Variants in CLVS1 observed in about 807,000 individuals in gnomAD.
The protein encoded by CLVS1 is clavesin 1.
In CLVS1, 10 loss-of-function variants were observed where a neutral mutation model predicts 33.1. That is an observed-to-expected ratio of 0.30 (90% CI 0.19 to 0.51). CLVS1 has a LOEUF of 0.51. Ranked by LOEUF, CLVS1 falls within the 20% of genes least tolerant of loss-of-function variation. The pLI is 0.97. For missense variants in CLVS1, 343 were observed against 433.4 expected (o/e 0.79, Z 1.85); for synonymous variants, 163 against 166.1 (o/e 0.98, Z 0.14).
At chr8:61,177,619 G>T (rs905936380) in intron 2 of CLVS1, among the ~76,000 whole-genome samples, 1 of 152,110 alleles carries the variant, frequency 6.6e-6, no homozygotes, top group Non-Finnish European at 1.5e-5. Flanking sequence ...AGAGATTCCA[G>T]AGGAAGGAGC....
intron 2 of CLVS1, among the ~76,000 whole-genome samples, chr8:61,269,110 G>A (rs1402531684): frequency 2.7e-5 from 4 of 148,302 alleles, no homozygotes; most frequent in Non-Finnish European, 5.9e-5. Flanking sequence ...TGTCCTGAAT[G>A]GTAATGCCTA....
chr8:61,181,697 CTTTTT>C (rs369025438), intron 2 of CLVS1, among the ~76,000 whole-genome samples: 1 of 103,202 alleles, frequency 9.7e-6, no homozygotes, highest in Non-Finnish European at 1.9e-5. Flanking sequence ...ACCATCTGAT[CTTTTT>C]TTTTTTTTTT....
chr8:61,441,124 T>C (rs1193493765), intron 3 of CLVS1, among the ~76,000 whole-genome samples: 4 of 152,216 alleles, frequency 2.6e-5, no homozygotes, highest in Non-Finnish European at 4.4e-5. Flanking sequence ...AACCCACTTA[T>C]GCTGCTGAAA....
At chr8:61,413,800 G>A (rs927623296) in intron 3 of CLVS1, among the ~76,000 whole-genome samples, 1 of 152,182 alleles carries the variant, frequency 6.6e-6, no homozygotes, top group African/African-American at 2.4e-5. Flanking sequence ...TAACATTCAG[G>A]TGTGTCTGCC....
chr8:61,025,291 C>T, the CLVS1 span, among the ~76,000 whole-genome samples: 1 of 152,198 alleles, frequency 6.6e-6, no homozygotes, highest in East Asian at 1.9e-4. Context: ...AGTTGCCAGA[C>T]TGGAAGCAAA....
chr8:61,274,262 G>A (rs1809521869), intron 2 of CLVS1, among the ~76,000 whole-genome samples: 1 of 152,060 alleles, frequency 6.6e-6, no homozygotes, highest in Non-Finnish European at 1.5e-5. Context: ...TGCTATTTTA[G>A]GGAATCTATT....
At chr8:61,004,070 T>C in the CLVS1 span, among the ~76,000 whole-genome samples, 8 of 152,314 alleles carry the variant, frequency 5.3e-5, no homozygotes, top group East Asian at 1.5e-3. Context: ...GAGGAGTCGA[T>C]TCAGACAAAC....
At chr8:61,364,238 T>TGG (rs1813100221) in intron 2 of CLVS1, among the ~76,000 whole-genome samples, 1 of 152,186 alleles carries the variant, frequency 6.6e-6, no homozygotes, top group Non-Finnish European at 1.5e-5. Context: ...CCATCAGCCT[T>TGG]GCCTTATTGG....
intron 2 of CLVS1, among the ~76,000 whole-genome samples, chr8:61,343,142 A>G (rs1585830249): frequency 6.6e-6 from 1 of 152,262 alleles, no homozygotes; most frequent in Non-Finnish European, 1.5e-5. Context: ...TAGCTGGTAC[A>G]GCATGATTCT....
intron 5 of CLVS1, among the ~76,000 whole-genome samples, chr8:61,475,408 A>G: frequency 6.6e-6 from 1 of 152,200 alleles, no homozygotes. Flanking sequence ...TTAGAGTCCC[A>G]CCAACAGTGT....
chr8:61,329,026 T>C (rs946801924), intron 2 of CLVS1, among the ~76,000 whole-genome samples: 2 of 152,230 alleles, frequency 1.3e-5, no homozygotes, highest in African/African-American at 4.8e-5. Flanking sequence ...TGTCTTTATT[T>C]GCATTTAAAT....
chr8:61,315,628 A>G (rs944266579), intron 2 of CLVS1, among the ~76,000 whole-genome samples: 2 of 152,160 alleles, frequency 1.3e-5, no homozygotes, highest in Non-Finnish European at 2.9e-5. Flanking sequence ...CTACAACATC[A>G]TAGTGGGGGA....
intron 2 of CLVS1, among the ~76,000 whole-genome samples, chr8:61,203,601 G>C (rs986531557): frequency 2.0e-5 from 3 of 152,060 alleles, no homozygotes; most frequent in Non-Finnish European, 4.4e-5. Flanking sequence ...TGTAGGATAA[G>C]TTACTATTTA....
At chr8:61,295,077 G>A (rs1810145627) in intron 1 of CLVS1, among the ~76,000 whole-genome samples, 1 of 152,176 alleles carries the variant, frequency 6.6e-6, no homozygotes. Flanking sequence ...TGGCTCACTG[G>A]AAAAGGTGTG....
At position 61,331,823 on chromosome 8, in the gene CLVS1, TTCCTCC is replaced by T. The variant is rs71257360; in HGVS notation, c.455+31564_455+31569del. Among the ~76,000 whole-genome samples, 739 of 142,056 alleles carry T rather than the reference TTCCTCC, an allele frequency of 5.2e-3. 13 individuals carry two copies. Among genetic ancestry groups the T allele is most frequent in the African/African-American group, 0.018 (687 of 38,880 alleles). The allele number at this position is 142,056 out of a possible 152,430, so 93.2% of individuals were successfully genotyped here. A position where few individuals can be genotyped will look rare whatever the true frequency, so the allele number is the denominator to read the frequency against. On this transcript the variant is annotated intron_variant, in intron 2 of 5. Transcript: ENST00000325897. Reference sequence around the variant, plus strand: ...TCTTCTTCTCCTCCTCCTCCTCCTCTTCCTCCTCCTCCTCCTCCTCCTCCTCCTTCT... The same window carrying T: ...TCTTCTTCTCCTCCTCCTCCTCCTCTTCCTCCTCCTCCTCCTCCTCCTTCT...
At chr8:61,197,665 G>A (rs992926096) in intron 2 of CLVS1, among the ~76,000 whole-genome samples, 7 of 152,020 alleles carry the variant, frequency 4.6e-5, no homozygotes, top group African/African-American at 7.2e-5. Context: ...GATTACAAGC[G>A]CCTGCCCCCA....
chr8:61,329,296 T>G (rs1187813067), intron 2 of CLVS1, among the ~76,000 whole-genome samples: 1 of 152,152 alleles, frequency 6.6e-6, no homozygotes, highest in African/African-American at 2.4e-5. Flanking sequence ...TACTTGCATA[T>G]TTTGAAATAG....
rs367844307 is a variant in CLVS1 at position 61,127,686 on chromosome 8, T to C, written c.-242-4084T>C. On this transcript the variant is annotated intron_variant, in intron 1 of 2. Coordinates refer to the CLVS1 transcript ENST00000522621. ...AGTATTTTGAGCTGAATTGATTAAC[T>C]GATAAGATATATCTTTGAATATATA... Among the ~76,000 whole-genome samples, 3 of 152,226 alleles carry C rather than the reference T, an allele frequency of 2.0e-5. 1 individual carries two copies. The East Asian group carries it at 5.8e-4, about 29-fold the overall frequency.
chr8:61,256,207 C>T (rs1809078390), intron 2 of CLVS1, among the ~76,000 whole-genome samples: 1 of 152,158 alleles, frequency 6.6e-6, no homozygotes, highest in African/African-American at 2.4e-5. Flanking sequence ...GTATGTGGAA[C>T]ATACAATGTT....
Sources: gnomAD v4.1 joint callset for allele counts (sites outside exome capture counted in the v4.1 genomes callset) on GRCh38, gnomAD v4.1.1 for gene constraint, MANE v1.5 for transcripts, NCBI Gene and HGNC (gene_info 2026-07-23, HGNC 2026-07-21) for gene names.